Variants in RBFOX1 observed in about 807,000 individuals in gnomAD.
RBFOX1 encodes RNA binding fox-1 homolog 1.
In RBFOX1, 8 loss-of-function variants were observed where a neutral mutation model predicts 57.7. That is an observed-to-expected ratio of 0.14 (90% confidence interval 0.08 to 0.25). The LOEUF (loss-of-function observed/expected upper bound fraction) is 0.25, where lower values mean the gene tolerates loss of function less well. Ranked by LOEUF, RBFOX1 falls within the 10% of genes least tolerant of loss-of-function variation. The pLI, the probability that RBFOX1 is intolerant of heterozygous loss-of-function variation, is 1.00. For synonymous variants in RBFOX1, 326 were observed against 222.4 expected, an observed-to-expected ratio of 1.47 and a Z score of -4.15; for missense variants, 611 against 548.5, an observed-to-expected ratio of 1.11 and a Z score of -1.14.
intron 2 of RBFOX1, among the ~76,000 whole-genome samples, chr16:6,634,496 T>C (rs2098415280): frequency 6.7e-6 from 1 of 149,550 alleles, no homozygotes; most frequent in African/African-American, 2.4e-5. Context: ...ACTTATATAA[T>C]ATTATATCCA....
chr16:6,779,361 G>C (rs557074726), intron 3 of RBFOX1, among the ~76,000 whole-genome samples: 1 of 151,756 alleles, frequency 6.6e-6, no homozygotes, highest in Non-Finnish European at 1.5e-5. Flanking sequence ...GCTTTTTTGT[G>C]GTTGAATAAT....
chr16:5,752,852 G>C (rs1307636755), intron 3 of RBFOX1, among the ~76,000 whole-genome samples: 1 of 152,134 alleles, frequency 6.6e-6, no homozygotes, highest in Non-Finnish European at 1.5e-5. Context: ...AATAAATTCA[G>C]AGAGAAAGAA....
chr16:6,383,535 G>A (rs2091998428), intron 2 of RBFOX1, among the ~76,000 whole-genome samples: 1 of 152,162 alleles, frequency 6.6e-6, no homozygotes. Context: ...AGTATTTTGG[G>A]AGGCTGAGGT....
At chr16:6,765,565 C>T (rs1222086612) in intron 3 of RBFOX1, among the ~76,000 whole-genome samples, 1 of 152,116 alleles carries the variant, frequency 6.6e-6, no homozygotes, top group Non-Finnish European at 1.5e-5. Context: ...TAAATGAGTA[C>T]AACCTCTATG....
In RBFOX1 at chr16:6,604,529, T is replaced by C. The variant is rs538826137; in HGVS notation, c.-63-50074T>C. The stretch of plus-strand genomic sequence containing the variant: ...AGTAGAGGTTAAATGATAGGAACTC[T>C]GGAGTTGCTTCAAATACTTTAGAAA... On this transcript the variant is annotated intron_variant, in intron 2 of 15. Coordinates refer to ENST00000550418, the MANE Select transcript of RBFOX1 (RefSeq NM_018723.4). Among the ~76,000 whole-genome samples, 8 of 152,322 alleles carry C rather than the reference T, an allele frequency of 5.3e-5. No homozygotes were observed. In the South Asian group the frequency reaches 1.7e-3, roughly 32 times the overall value.
intron 4 of RBFOX1, among the ~76,000 whole-genome samples, chr16:7,291,977 T>G (rs2095787718): frequency 1.1e-5 from 1 of 92,850 alleles, no homozygotes; most frequent in Non-Finnish European, 1.9e-5. Context: ...ATTTTATATA[T>G]AATATAGAAT....
intron 3 of RBFOX1, among the ~76,000 whole-genome samples, chr16:6,921,696 G>T (rs1193103024): frequency 6.6e-6 from 1 of 151,108 alleles, no homozygotes; most frequent in African/African-American, 2.4e-5. Flanking sequence ...ATGGCAGGCA[G>T]AGGTGATGGA....
chr16:5,455,318 C>T (rs966400487), intron 1 of RBFOX1, among the ~76,000 whole-genome samples: 2 of 151,972 alleles, frequency 1.3e-5, no homozygotes, highest in Non-Finnish European at 2.9e-5. Flanking sequence ...GTGAATTTCC[C>T]AAGAGACCAA....
chr16:5,453,088 A>G (rs1363844720), intron 1 of RBFOX1, among the ~76,000 whole-genome samples: 2 of 152,012 alleles, frequency 1.3e-5, no homozygotes, highest in East Asian at 3.9e-4. Flanking sequence ...TCCCTCCTCT[A>G]ATCTTTTCAG....
chr16:5,856,252 T>TATATATAC, intron 3 of RBFOX1, among the ~76,000 whole-genome samples: 1 of 36,230 alleles, frequency 2.8e-5, no homozygotes, highest in African/African-American at 1.0e-4. Context: ...TATATATATG[T>TATATATAC]ATATATATGT....
At chr16:7,492,433 C>G (rs1415971784) in intron 4 of RBFOX1, among the ~76,000 whole-genome samples, 1 of 152,028 alleles carries the variant, frequency 6.6e-6, no homozygotes, top group Non-Finnish European at 1.5e-5. Context: ...TTTCCTAGAA[C>G]TGTAGAAGCT....
At chr16:7,693,968 A>T (rs186214600) in intron 14 of RBFOX1, among the ~76,000 whole-genome samples, 33 of 152,322 alleles carry the variant, frequency 2.2e-4, no homozygotes, top group African/African-American at 7.7e-4. Flanking sequence ...AAACCAGGAC[A>T]TTGGCAAATG....
At chr16:7,052,490 A>C (rs1394432992) in intron 4 of RBFOX1, among the ~76,000 whole-genome samples, 1 of 152,144 alleles carries the variant, frequency 6.6e-6, no homozygotes, top group African/African-American at 2.4e-5. Context: ...TTGGCTGTTG[A>C]CTGGGGTGGG....
intron 1 of RBFOX1, among the ~76,000 whole-genome samples, chr16:6,087,047 A>G (rs148887117): frequency 6.6e-6 from 1 of 152,302 alleles, no homozygotes; most frequent in African/African-American, 2.4e-5. Flanking sequence ...GTGGAGTGAG[A>G]CGGATTGATA....
chr16:6,491,221 A>G (rs1598118305), intron 2 of RBFOX1, among the ~76,000 whole-genome samples: 1 of 151,792 alleles, frequency 6.6e-6, no homozygotes, highest in East Asian at 1.9e-4. Context: ...ATATAGTTAA[A>G]CTATATATAT....
intron 4 of RBFOX1, among the ~76,000 whole-genome samples, chr16:7,204,011 G>A (rs73539649): frequency 0.099 from 15,000 of 152,276 alleles, 807 homozygotes; most frequent in Non-Finnish European, 0.11. Context: ...TAAGACTGTC[G>A]CAATCTTTAA....
intron 14 of RBFOX1, among the ~76,000 whole-genome samples, chr16:7,699,070 C>A (rs1568536334): frequency 6.6e-6 from 1 of 152,128 alleles, no homozygotes; most frequent in Admixed American, 6.6e-5. Context: ...TTCCCCTGCC[C>A]CTGAGATTCT....
rs1415715309 is a variant in RBFOX1, at chr16:7,708,900, T to A, written c.996-156T>A. ...GCACAAAAAATGTATCATGTACAGA[T>A]GAACTCTTCTTATACTACACAGCAG... On this transcript the variant is annotated intron_variant, in intron 14 of 15. Transcript: ENST00000550418. Among the ~76,000 whole-genome samples the A allele has an allele frequency of 9.9e-5, 15 of 152,230 alleles. 1 individual carries two copies.
chr16:6,426,216 C>G (rs562117780), intron 2 of RBFOX1, among the ~76,000 whole-genome samples: 1 of 151,844 alleles, frequency 6.6e-6, no homozygotes, highest in East Asian at 1.9e-4. Context: ...TTCCCTCTCC[C>G]TGTCTATGCA....
Sources: allele counts gnomAD v4.1 joint callset (sites outside exome capture counted in the v4.1 genomes callset), GRCh38; gene constraint gnomAD v4.1.1; transcripts MANE v1.5; gene names NCBI Gene and HGNC (gene_info 2026-07-23, HGNC 2026-07-21).